The following KCNQ5 variants were observed in gnomAD, a reference collection of about 807,000 sequenced individuals.
KCNQ5 encodes the protein potassium voltage-gated channel subfamily Q member 5.
Under a neutral mutation model 98.2 loss-of-function variants are expected in KCNQ5, and 30 were observed. That is an observed-to-expected ratio of 0.31 (90% CI 0.23 to 0.41). The LOEUF (loss-of-function observed/expected upper bound fraction) is 0.41, where lower values mean the gene tolerates loss of function less well. KCNQ5 is among the 10% of genes least tolerant of loss of function. KCNQ5 has a pLI of 1.00. For synonymous variants in KCNQ5, 458 were observed against 449.4 expected (o/e 1.02, Z -0.24); for missense variants, 835 against 1,182.5 (o/e 0.71, Z 4.31).
At chr6:72,632,272 G>T (rs1231390085) in intron 1 of KCNQ5, among the ~76,000 whole-genome samples, 1 of 151,388 alleles carries the variant, frequency 6.6e-6, no homozygotes, top group Non-Finnish European at 1.5e-5. Flanking sequence ...CAAGTAGCAG[G>T]GACTACAGGC....
intron 1 of KCNQ5, among the ~76,000 whole-genome samples, chr6:72,677,458 G>C (rs1343771825): frequency 2.0e-5 from 3 of 152,110 alleles, no homozygotes; most frequent in African/African-American, 7.2e-5. Flanking sequence ...ACTTTTCTAA[G>C]TTATTTAAAT....
At chr6:72,921,574 T>G (rs1780402261) in intron 1 of KCNQ5, among the ~76,000 whole-genome samples, 1 of 152,202 alleles carries the variant, frequency 6.6e-6, no homozygotes, top group African/African-American at 2.4e-5. Flanking sequence ...GTTGCTTGCA[T>G]GAGAGATTCT....
intron 1 of KCNQ5, among the ~76,000 whole-genome samples, chr6:72,729,375 C>T (rs553354323): frequency 2.0e-4 from 30 of 152,290 alleles, no homozygotes; most frequent in Middle Eastern, 3.4e-3. Flanking sequence ...GCAACCTCTG[C>T]CTCCTGGGTT....
At chr6:72,661,593 C>T (rs1412008497) in intron 1 of KCNQ5, among the ~76,000 whole-genome samples, 2 of 151,954 alleles carry the variant, frequency 1.3e-5, no homozygotes, top group African/African-American at 2.4e-5. Flanking sequence ...TTGATGTAGG[C>T]TTGGAAATGT....
At chr6:72,699,710 T>C (rs1053762561) in intron 1 of KCNQ5, among the ~76,000 whole-genome samples, 6 of 152,226 alleles carry the variant, frequency 3.9e-5, no homozygotes, top group Non-Finnish European at 7.3e-5. Flanking sequence ...ATTTTTGTTC[T>C]TAGCCACTTA....
chr6:72,666,472 C>T (rs1766821666), intron 1 of KCNQ5, among the ~76,000 whole-genome samples: 6 of 152,080 alleles, frequency 3.9e-5, no homozygotes, highest in Admixed American at 3.3e-4. Context: ...ATTTAATAGG[C>T]TAAGTGGTTT....
chr6:72,639,121 G>C (rs1196954530), intron 1 of KCNQ5, among the ~76,000 whole-genome samples: 1 of 152,178 alleles, frequency 6.6e-6, no homozygotes, highest in African/African-American at 2.4e-5. Context: ...TGATGGAGAA[G>C]AAATAAGGTC....
chr6:73,190,839 A>T (rs12662845), intron 12 of KCNQ5, 135 bp downstream of exon 12: 16,222 of 488,760 alleles, frequency 0.033, 335 homozygotes, highest in East Asian at 0.052. Flanking sequence ...AATTTGCTTT[A>T]AACATTGATT....
intron 1 of KCNQ5, among the ~76,000 whole-genome samples, chr6:72,994,600 A>G: frequency 6.6e-6 from 1 of 150,706 alleles, no homozygotes; most frequent in African/African-American, 2.4e-5. Context: ...TCAGATGGAA[A>G]TGCAGAAATC....
At chr6:72,956,375 G>A (rs918124615) in intron 1 of KCNQ5, among the ~76,000 whole-genome samples, 17 of 151,976 alleles carry the variant, frequency 1.1e-4, no homozygotes, top group Non-Finnish European at 1.5e-4. Context: ...ACTCTTTCCA[G>A]GATAGGAGAT....
At chr6:72,709,305 A>C (rs1769242842) in intron 1 of KCNQ5, among the ~76,000 whole-genome samples, 2 of 152,220 alleles carry the variant, frequency 1.3e-5, no homozygotes, top group South Asian at 4.1e-4. Flanking sequence ...AAAACATCCA[A>C]ATAATTTGGT....
intron 1 of KCNQ5, among the ~76,000 whole-genome samples, chr6:72,635,277 G>A (rs139344149): frequency 4.6e-5 from 7 of 151,918 alleles, no homozygotes; most frequent in Non-Finnish European, 5.9e-5. Context: ...CAATCCTCCC[G>A]CCTTGGCCTC....
At chr6:72,875,414 A>G (rs1778369328) in intron 1 of KCNQ5, among the ~76,000 whole-genome samples, 1 of 152,098 alleles carries the variant, frequency 6.6e-6, no homozygotes, top group Admixed American at 6.5e-5. Flanking sequence ...TCCAGTGCAG[A>G]CTCTAATTGT....
At chr6:72,971,903 A>G (rs1440674102) in intron 1 of KCNQ5, among the ~76,000 whole-genome samples, 2 of 152,104 alleles carry the variant, frequency 1.3e-5, no homozygotes, top group Non-Finnish European at 2.9e-5. Flanking sequence ...CGAGTTAATG[A>G]GTGTAGCACA....
intron 1 of KCNQ5, among the ~76,000 whole-genome samples, chr6:72,723,319 AACACAT>A (rs1305322578): frequency 4.6e-5 from 7 of 152,242 alleles, no homozygotes; most frequent in South Asian, 2.1e-4. Context: ...TAGAGTACCT[AACACAT>A]AGTAAAAATT....
intron 11 of KCNQ5, among the ~76,000 whole-genome samples, chr6:73,181,883 C>T (rs1462334231): frequency 1.3e-5 from 2 of 152,140 alleles, no homozygotes; most frequent in Non-Finnish European, 2.9e-5. Context: ...GGCAATAGTA[C>T]CCTTATCATA....
At chr6:73,066,816 AG>A (rs139567148) in intron 3 of KCNQ5, among the ~76,000 whole-genome samples, 5,406 of 152,258 alleles carry the variant, frequency 0.036, 162 homozygotes, top group African/African-American at 0.08. Context: ...TTCTTTTGAA[AG>A]TTCCTTCTGT....
At chr6:73,004,860 C>T (rs1451314377) in intron 2 of KCNQ5, among the ~76,000 whole-genome samples, 1 of 151,966 alleles carries the variant, frequency 6.6e-6, no homozygotes, top group Non-Finnish European at 1.5e-5. Flanking sequence ...GGGAGGAAAA[C>T]GGTAAGATGG....
intron 5 of KCNQ5, among the ~76,000 whole-genome samples, chr6:73,088,038 T>TTC (rs397964670): frequency 4.0e-5 from 6 of 150,776 alleles, no homozygotes; most frequent in Non-Finnish European, 8.9e-5. Context: ...TTTTTTTTTT[T>TTC]CCAGATGGAG....
Sources: gnomAD v4.1 joint callset for allele counts (sites outside exome capture counted in the v4.1 genomes callset) on GRCh38, gnomAD v4.1.1 for gene constraint, MANE v1.5 for transcripts, NCBI Gene and HGNC (gene_info 2026-07-23, HGNC 2026-07-21) for gene names.